The following TRIO variants were observed in gnomAD, a reference collection of about 807,000 sequenced individuals.
The protein encoded by TRIO is trio Rho guanine nucleotide exchange factor, also known as triple functional domain protein.
In TRIO, 58 loss-of-function variants were observed where a neutral mutation model predicts 351.9. The ratio of observed to expected loss-of-function variants is 0.16; its 90% CI spans 0.13 to 0.21. TRIO has a LOEUF of 0.21. Ranked by LOEUF, TRIO falls within the 10% of genes least tolerant of loss-of-function variation. The pLI, the probability that TRIO is intolerant of heterozygous loss-of-function variation, is 1.00. For missense variants in TRIO, 3,201 were observed against 4,027.8 expected (o/e 0.79, Z 5.56); for synonymous variants, 1,758 against 1,595.7 (o/e 1.10, Z -2.42).
intron 8 of TRIO, among the ~76,000 whole-genome samples, chr5:14,313,397 A>G (rs1434766951): frequency 6.6e-6 from 1 of 152,222 alleles, no homozygotes; most frequent in Non-Finnish European, 1.5e-5. Flanking sequence ...AGTTGCAGAG[A>G]CACTCAAGGA....
Position 14,472,517 on chromosome 5 carries a change from T to C in TRIO, c.5913-75T>C, listed in dbSNP as rs26186. ...TATTCAGTCCTGGAAGGAGTCCATC[T>C]TGACCAGGAGCAAAGGTACAAAAAA... On this transcript the variant is annotated intron_variant, in intron 38 of 56. Coordinates refer to ENST00000344204, the MANE Select transcript of TRIO (RefSeq NM_007118.4). The C allele has an allele frequency of 0.98, 1,488,776 of 1,525,440 alleles. 726,662 individuals are homozygous for C. The highest frequency in any genetic ancestry group is 1 in the East Asian group (44,151 of 44,158). The allele number at this position is 1,525,440 out of a possible 1,614,324, so 94.5% of individuals were successfully genotyped here.
At chr5:14,224,763 T>C (rs1194500895) in intron 1 of TRIO, among the ~76,000 whole-genome samples, 1 of 152,106 alleles carries the variant, frequency 6.6e-6, no homozygotes, top group Non-Finnish European at 1.5e-5. Context: ...GGCATGGAAG[T>C]TGAATTATAG....
chr5:14,423,748 A>C (rs910373323), intron 34 of TRIO, among the ~76,000 whole-genome samples: 1 of 151,952 alleles, frequency 6.6e-6, no homozygotes, highest in Admixed American at 6.5e-5. Flanking sequence ...TTTTTGACTG[A>C]TAGTGTTTTG....
At chr5:14,472,201 C>T (rs1020239695) in intron 38 of TRIO, among the ~76,000 whole-genome samples, 4 of 152,238 alleles carry the variant, frequency 2.6e-5, no homozygotes, top group Non-Finnish European at 5.9e-5. Context: ...GTTTAAACAT[C>T]TGATTTAAAA....
chr5:14,396,806 T>C (rs1579531444), intron 28 of TRIO, among the ~76,000 whole-genome samples: 1 of 152,084 alleles, frequency 6.6e-6, no homozygotes, highest in Non-Finnish European at 1.5e-5. Flanking sequence ...TGTTAACAGG[T>C]ATACTAATTT....
intron 1 of TRIO, among the ~76,000 whole-genome samples, chr5:14,163,490 C>T (rs1057310455): frequency 1.3e-5 from 2 of 152,188 alleles, no homozygotes; most frequent in Non-Finnish European, 2.9e-5. Context: ...AGGTGTGAGC[C>T]ACCAGGCCTG....
intron 2 of TRIO, among the ~76,000 whole-genome samples, chr5:14,272,925 A>G (rs538289485): frequency 2.0e-5 from 3 of 152,312 alleles, no homozygotes; most frequent in Non-Finnish European, 2.9e-5. Flanking sequence ...ATTTATCTCT[A>G]ACTCATTTTT....
At chr5:14,496,707 T>A (rs1756917912) in intron 49 of TRIO, among the ~76,000 whole-genome samples, 172 bp from the exon 50 acceptor site, 2 of 152,234 alleles carry the variant, frequency 1.3e-5, no homozygotes, top group African/African-American at 4.8e-5. Context: ...TTTTATCTCC[T>A]GGTTCTTAAA....
intron 34 of TRIO, among the ~76,000 whole-genome samples, chr5:14,428,172 T>C (rs561312657): frequency 3.3e-5 from 5 of 152,298 alleles, no homozygotes; most frequent in Admixed American, 6.5e-5. Flanking sequence ...CGTGACCTAA[T>C]AAGTCTTCCA....
At chr5:14,456,303 G>A (rs975115039) in intron 34 of TRIO, among the ~76,000 whole-genome samples, 6 of 152,270 alleles carry the variant, frequency 3.9e-5, no homozygotes, top group African/African-American at 1.4e-4. Flanking sequence ...GCCTCAGCCA[G>A]CTCAGAGAGG....
chr5:14,332,660 A>G lies in TRIO; in HGVS notation c.1854+1760A>G, dbSNP rs758463512. On this transcript the variant is annotated intron_variant, in intron 10 of 56. Coordinates refer to ENST00000344204, the MANE Select transcript of TRIO (RefSeq NM_007118.4). ...CTGGCACGTATTTACAGGGTACCAA[A>G]TCTTCTCATCTGCTAATTTTTCCTT... 9.1e-4 allele frequency among the ~76,000 whole-genome samples: 139 copies of G among 152,196 alleles called. 3 individuals are homozygous for G. Among genetic ancestry groups the G allele is most frequent in the Admixed American group, 3.3e-4 (5 of 15,280 alleles).
intron 47 of TRIO, among the ~76,000 whole-genome samples, chr5:14,486,789 G>A (rs1454254842): frequency 2.6e-5 from 4 of 152,070 alleles, no homozygotes; most frequent in Admixed American, 6.5e-5. Context: ...AGAGGCTGTG[G>A]CCAGCACAGA....
At chr5:14,431,863 G>A (rs945872490) in intron 34 of TRIO, among the ~76,000 whole-genome samples, 1 of 152,198 alleles carries the variant, frequency 6.6e-6, no homozygotes, top group Non-Finnish European at 1.5e-5. Context: ...CCCTCTTGCT[G>A]ATTCTCCATA....
chr5:14,215,786 G>T (rs1299472176), intron 1 of TRIO, among the ~76,000 whole-genome samples: 1 of 152,172 alleles, frequency 6.6e-6, no homozygotes, highest in Non-Finnish European at 1.5e-5. Flanking sequence ...CCTAAAAATC[G>T]AGAAACCATA....
chr5:14,488,813 G>T (rs1579809231), intron 48 of TRIO: 1 of 643,294 alleles, frequency 1.6e-6, no homozygotes, highest in Non-Finnish European at 2.8e-6. Flanking sequence ...CACTGGGAAC[G>T]CTTTACGTCA....
At chr5:14,184,307 G>A (rs1789973796) in intron 1 of TRIO, among the ~76,000 whole-genome samples, 1 of 152,238 alleles carries the variant, frequency 6.6e-6, no homozygotes, top group African/African-American at 2.4e-5. Context: ...ATCACAGTGG[G>A]AAGCTGCTGC....
Position 14,205,478 on chromosome 5 carries a change from T to C in TRIO, c.157+61596T>C, listed in dbSNP as rs538140000. On this transcript the variant is annotated intron_variant, in intron 1 of 56. Coordinates refer to ENST00000344204, the MANE Select transcript of TRIO (RefSeq NM_007118.4). ...GTTAGATTCAAAATGAAGGTCTATC[T>C]TGTATCTGAAGTTCCTTGGCCAGGG... 7.2e-5 allele frequency among the ~76,000 whole-genome samples: 11 copies of C among 152,318 alleles called. No homozygotes were observed. In the South Asian group the frequency reaches 2.1e-3, roughly 29 times the overall value.
intron 1 of TRIO, among the ~76,000 whole-genome samples, chr5:14,199,042 A>G (rs1444760279): frequency 1.3e-5 from 2 of 152,142 alleles, no homozygotes; most frequent in South Asian, 2.1e-4. Flanking sequence ...GTGTAAGACC[A>G]GTCTGACCAA....
rs75624251 is a variant in TRIO at position 14,487,173 on chromosome 5, T to C, written c.6836-291T>C. 0.044 allele frequency among the ~76,000 whole-genome samples: 6,629 copies of C among 152,226 alleles called. 507 individuals carry two copies. Among genetic ancestry groups the C allele is most frequent in the African/African-American group, 0.15 (6,267 of 41,516 alleles). On this transcript the variant is annotated intron_variant, in intron 47 of 56. Coordinates refer to ENST00000344204, the MANE Select transcript of TRIO (RefSeq NM_007118.4). ...AAAGACCTTTGCGGAAGCCAGTTGG[T>C]AGCTGGAGGAGTTCTAGTCAAATCT...
Sources: allele counts gnomAD v4.1 joint callset (sites outside exome capture counted in the v4.1 genomes callset), GRCh38; gene constraint gnomAD v4.1.1; transcripts MANE v1.5; gene names NCBI Gene and HGNC (gene_info 2026-07-23, HGNC 2026-07-21).